BEND6: variants seen among roughly 807,000 people sequenced by gnomAD.
BEND6 encodes BEN domain-containing protein 6.
A neutral mutation model predicts 31.8 loss-of-function variants in BEND6; 24 were observed. The ratio of observed to expected loss-of-function variants is 0.75; its 90% confidence interval spans 0.55 to 1.06. The LOEUF (loss-of-function observed/expected upper bound fraction) is 1.06. Among genes scored for constraint, BEND6 ranks in the 50% least tolerant of loss-of-function variants. The probability of loss-of-function intolerance (pLI) is 0.00; values close to 1 mark genes in which losing one functional copy is unlikely to be tolerated. For missense variants in BEND6, 294 were observed against 327.4 expected, an observed-to-expected ratio of 0.90 and a Z score of 0.79; for synonymous variants, 109 against 114.6, an observed-to-expected ratio of 0.95 and a Z score of 0.31.
Position 57,003,990 on chromosome 6 carries a change from T to TA in BEND6, c.299-11138dup, listed in dbSNP as rs569871459. ...AATAAAATCCAACATCCTTTCTTGATAAAAACCCTCAAGAAAATAGGCATC... is the reference window on the plus strand; with the variant it reads ...AATAAAATCCAACATCCTTTCTTGATAAAAAACCCTCAAGAAAATAGGCATC... On this transcript the variant is annotated intron_variant, in intron 3 of 6. Coordinates refer to ENST00000370746, the MANE Select transcript of BEND6 (RefSeq NM_152731.3). 4.6e-3 allele frequency among the ~76,000 whole-genome samples: 697 copies of TA among 152,190 alleles called. 5 individuals carry two copies. Among genetic ancestry groups the TA allele is most frequent in the African/African-American group, 0.016 (649 of 41,532 alleles).
chr6:56,979,698 G>A (rs1826004496), intron 1 of BEND6, among the ~76,000 whole-genome samples: 1 of 152,084 alleles, frequency 6.6e-6, no homozygotes, highest in African/African-American at 2.4e-5. Context: ...TTGAAGTTTT[G>A]AAAATTTGAA....
chr6:57,005,361 A>G (rs1827118397), intron 3 of BEND6, among the ~76,000 whole-genome samples: 1 of 152,198 alleles, frequency 6.6e-6, no homozygotes, highest in Admixed American at 6.5e-5. Context: ...CAACTGAGAA[A>G]TTTACAAACC....
chr6:57,018,398 G>C (rs146779382), intron 5 of BEND6, 23 bp from the exon 6 acceptor site: 1 of 1,574,728 alleles, frequency 6.4e-7, no homozygotes, highest in Non-Finnish European at 8.6e-7. Context: ...AGTTTCTCAT[G>C]TGTCGCTATT....
At chr6:57,019,714 T>C (rs1043598065) in intron 6 of BEND6, among the ~76,000 whole-genome samples, 1 of 152,154 alleles carries the variant, frequency 6.6e-6, no homozygotes, top group Non-Finnish European at 1.5e-5. Flanking sequence ...AACAAAAACA[T>C]AAACAAATCA....
Position 56,992,446 on chromosome 6 carries a change from A to G in BEND6, c.189A>G (p.Ala63=). 6.2e-7 allele frequency: 1 copy of G among 1,614,224 alleles called. No homozygotes were observed. Residue 63 remains alanine (A), a synonymous_variant, in exon 3 of 7, where the codon GCA becomes GCG. Coordinates refer to ENST00000370746, the MANE Select transcript of BEND6 (RefSeq NM_152731.3). The stretch of plus-strand genomic sequence containing the variant: ...CCAGTGAGGATGAAGAGCCTTTAGC[A>G]GAATTGTCAAAGGAAGAATTGTGCG... ...ESSSEDEEPL[A]ELSKEELCAK... is the part of the protein sequence containing the mutation.
At chr6:57,016,376 A>G (rs1189061306) in intron 4 of BEND6, among the ~76,000 whole-genome samples, 5 of 152,238 alleles carry the variant, frequency 3.3e-5, no homozygotes, top group African/African-American at 9.6e-5. Flanking sequence ...TTAGAGTTCT[A>G]TAGATCAGAA....
chr6:57,012,176 A>G (rs565968598), intron 3 of BEND6, among the ~76,000 whole-genome samples: 5 of 152,344 alleles, frequency 3.3e-5, no homozygotes, highest in Admixed American at 3.3e-4. Flanking sequence ...ATTGGATATT[A>G]GGGAAAATAG....
chr6:57,009,225 TG>T (rs1171801673), intron 3 of BEND6: 1 of 152,086 alleles, frequency 6.6e-6, no homozygotes, highest in East Asian at 1.9e-4. Flanking sequence ...AATACCCCTG[TG>T]GGATTACTAT....
chr6:56,965,307 T>G (rs1225855021), intron 1 of BEND6, among the ~76,000 whole-genome samples: 1 of 152,060 alleles, frequency 6.6e-6, no homozygotes, highest in Non-Finnish European at 1.5e-5. Flanking sequence ...AAGTAAATTA[T>G]CTAAAATATG....
intron 3 of BEND6, among the ~76,000 whole-genome samples, chr6:57,002,831 A>G (rs890065113): frequency 2.0e-5 from 3 of 152,156 alleles, no homozygotes; most frequent in African/African-American, 7.2e-5. Flanking sequence ...CCCCAAAGCT[A>G]GCAGAAGAAA....
chr6:57,014,390 A>G, intron 3 of BEND6: 1 of 958,146 alleles, frequency 1.0e-6, no homozygotes, highest in African/African-American at 1.7e-5. Context: ...GCCCTCAACC[A>G]TATAGTGAGG....
chr6:57,023,106 G>C (rs1405542009), intron 6 of BEND6, among the ~76,000 whole-genome samples: 1 of 152,126 alleles, frequency 6.6e-6, no homozygotes, highest in Non-Finnish European at 1.5e-5. Context: ...ATAACAGTTG[G>C]GTGAAATATT....
At chr6:57,004,872 A>G in intron 3 of BEND6, 1 of 619,172 alleles carries the variant, frequency 1.6e-6, no homozygotes, top group Non-Finnish European at 2.9e-6. Context: ...AATTAGCCAG[A>G]CATGGTGGCA....
intron 3 of BEND6, chr6:57,009,632 A>C (rs1432646727): frequency 4.6e-5 from 7 of 152,162 alleles, no homozygotes; most frequent in Non-Finnish European, 1.0e-4. Flanking sequence ...TGAGCAGGAA[A>C]TATACAGGAA....
chr6:56,982,004 A>G (rs34409856), intron 2 of BEND6, 74 bp downstream of exon 2: 3 of 1,425,366 alleles, frequency 2.1e-6, no homozygotes, highest in African/African-American at 1.5e-5. Context: ...TTCATAATTT[A>G]TTAGTGCTTC....
In BEND6 at chr6:57,017,247, G is replaced by A; in HGVS notation, c.560G>A (p.Ser187Asn). 6.4e-7 allele frequency: 1 copy of A among 1,561,684 alleles called. No individual in the cohort carries two copies. Among genetic ancestry groups the A allele is most frequent in the Non-Finnish European group, 8.7e-7 (1 of 1,154,822 alleles). ...TGGCAGATTGCCCGTTGTAACAAGA[G>A]CAAGCCTCAGAAGTTTATTAATGAT... ...EKWQIARCNK[S>N]KPQKFINDLM... The change falls in exon 5 of 7, where the codon AGC (serine) becomes AAC (asparagine). Residue 187 changes from serine (S) to asparagine (N), a missense_variant. Coordinates refer to ENST00000370746, the MANE Select transcript of BEND6 (RefSeq NM_152731.3).
intron 3 of BEND6, chr6:57,004,610 C>G: frequency 9.5e-7 from 1 of 1,050,710 alleles, no homozygotes; most frequent in South Asian, 1.2e-5. Context: ...CCAGATCAAC[C>G]TGGAGCTCTA....
At chr6:57,011,307 T>C (rs1471190827) in intron 3 of BEND6, among the ~76,000 whole-genome samples, 1 of 152,202 alleles carries the variant, frequency 6.6e-6, no homozygotes, top group Non-Finnish European at 1.5e-5. Context: ...TTCAGCAATA[T>C]GAATTGAATC....
chr6:56,956,084 G>A (rs916610782), intron 1 of BEND6, among the ~76,000 whole-genome samples: 120 of 152,252 alleles, frequency 7.9e-4, no homozygotes, highest in Admixed American at 6.5e-4. Context: ...GCGGTGCTGT[G>A]CCGCGTTCTG....
Sources: gnomAD v4.1 joint callset for allele counts (sites outside exome capture counted in the v4.1 genomes callset) on GRCh38, gnomAD v4.1.1 for gene constraint, MANE v1.5 for transcripts, NCBI Gene and HGNC (gene_info 2026-07-23, HGNC 2026-07-21) for gene names.